Variants in CREB5 observed in about 807,000 individuals in gnomAD.
CREB5 encodes the protein cAMP responsive element binding protein 5, also known as cyclic AMP-responsive element-binding protein 5.
In CREB5, 19 loss-of-function variants were observed where a neutral mutation model predicts 57.1. The ratio of observed to expected loss-of-function variants is 0.33; its 90% CI spans 0.23 to 0.49. CREB5 has a LOEUF of 0.49. CREB5 is among the 20% of genes least tolerant of loss of function. CREB5 has a pLI of 0.99. For missense variants in CREB5, 579 were observed against 671.6 expected (o/e 0.86, Z 1.52); for synonymous variants, 238 against 238.3 (o/e 1.00, Z 0.01).
intron 1 of CREB5, among the ~76,000 whole-genome samples, chr7:28,441,177 T>C (rs886564706): frequency 6.6e-6 from 1 of 152,182 alleles, no homozygotes; most frequent in Non-Finnish European, 1.5e-5. Context: ...CTTTTAAAAA[T>C]AGAAAGCCAT....
chr7:28,488,327 C>A, intron 2 of CREB5, 81 bp downstream of exon 2: 1 of 1,259,234 alleles, frequency 7.9e-7, no homozygotes, highest in Non-Finnish European at 1.1e-6. Flanking sequence ...GCAATCATGC[C>A]TGCCCTGGGC....
chr7:28,325,359 G>A (rs1364139190), intron 1 of CREB5, among the ~76,000 whole-genome samples: 1 of 152,034 alleles, frequency 6.6e-6, no homozygotes, highest in Non-Finnish European at 1.5e-5. Flanking sequence ...GGAGGCTGAG[G>A]CAGGAGAATG....
chr7:28,598,622 A>G (rs1461141475), intron 5 of CREB5, among the ~76,000 whole-genome samples: 1 of 151,832 alleles, frequency 6.6e-6, no homozygotes, highest in African/African-American at 2.4e-5. Context: ...TTGTAATATC[A>G]CTCACCCCAA....
At chr7:28,545,032 A>G (rs766266271) in intron 4 of CREB5, among the ~76,000 whole-genome samples, 1 of 152,152 alleles carries the variant, frequency 6.6e-6, no homozygotes, top group Non-Finnish European at 1.5e-5. Context: ...AGAGGCAGAT[A>G]AGGAATTGGA....
chr7:28,560,959 T>TGTGCGCGCGTGCGTGC (rs1562798119), intron 4 of CREB5, among the ~76,000 whole-genome samples: 3 of 32,160 alleles, frequency 9.3e-5, no homozygotes, highest in African/African-American at 3.0e-4. Context: ...TGCGTGTGTG[T>TGTGCGCGCGTGCGTGC]GCGTGTGTGT....
chr7:28,561,029 T>TGTGTGTGC (rs1562798693), intron 4 of CREB5, among the ~76,000 whole-genome samples: 43 of 65,196 alleles, frequency 6.6e-4, no homozygotes, highest in African/African-American at 3.3e-3. Context: ...TGTGTGCGTG[T>TGTGTGTGC]GTGTGTGTGT....
intron 1 of CREB5, among the ~76,000 whole-genome samples, chr7:28,465,753 C>CTT (rs1353377501): frequency 1.3e-5 from 2 of 152,168 alleles, no homozygotes; most frequent in Non-Finnish European, 2.9e-5. Context: ...TGTTAAAACT[C>CTT]TACAAAGGTT....
chr7:28,451,780 G>A (rs1329928390), intron 1 of CREB5, among the ~76,000 whole-genome samples: 2 of 152,000 alleles, frequency 1.3e-5, no homozygotes, highest in East Asian at 3.9e-4. Flanking sequence ...TCCATCCTGG[G>A]TCCTGGGAAC....
chr7:28,512,143 T>A lies in CREB5; in HGVS notation c.291+4406T>A, dbSNP rs532227565. On this transcript the variant is annotated intron_variant, in intron 4 of 10. Transcript: ENST00000357727. ...GTTTAAGGGGAAAATTGGGGGTTTC[T>A]TTTTAGATTTGCTAAGTGGAGATGC... is the stretch of plus-strand genomic sequence containing the variant. Among the ~76,000 whole-genome samples the A allele has an allele frequency of 9.2e-5, 14 of 152,296 alleles. No individual in the cohort carries two copies. In the South Asian group the frequency reaches 2.7e-3, roughly 29 times the overall value.
At chr7:28,666,671 CTT>C (rs1377661272) in intron 5 of CREB5, among the ~76,000 whole-genome samples, 3 of 152,178 alleles carry the variant, frequency 2.0e-5, no homozygotes, top group Non-Finnish European at 2.9e-5. Context: ...CTTCAACAAA[CTT>C]TGTCAAACTT....
chr7:28,615,808 C>A (rs933096484), intron 5 of CREB5: 1 of 152,256 alleles, frequency 6.6e-6, no homozygotes, highest in Non-Finnish European at 1.5e-5. Flanking sequence ...TGGTCTAGGC[C>A]AGGTTCGTGA....
At chr7:28,697,978 T>C (rs1316703890) in intron 5 of CREB5, among the ~76,000 whole-genome samples, 1 of 152,158 alleles carries the variant, frequency 6.6e-6, no homozygotes, top group Admixed American at 6.5e-5. Flanking sequence ...TTTTCAGACT[T>C]ATAAAAAGAG....
chr7:28,792,611 A>C (rs897769285), intron 7 of CREB5, among the ~76,000 whole-genome samples: 1 of 152,220 alleles, frequency 6.6e-6, no homozygotes, highest in African/African-American at 2.4e-5. Flanking sequence ...ATAGATTATG[A>C]ATGACTCTTC....
chr7:28,364,194 A>G (rs753339959), intron 1 of CREB5, among the ~76,000 whole-genome samples: 15 of 152,324 alleles, frequency 9.8e-5, no homozygotes, highest in African/African-American at 1.7e-4. Flanking sequence ...TTTTGCCGGA[A>G]ATCTTCAGAA....
chr7:28,582,299 T>C (rs1256826743), intron 5 of CREB5, among the ~76,000 whole-genome samples: 3 of 152,324 alleles, frequency 2.0e-5, no homozygotes, highest in East Asian at 1.9e-4. Flanking sequence ...CCAAGGGAAA[T>C]GGCCTTCATC....
chr7:28,766,153 A>G (rs2128772850), intron 7 of CREB5, among the ~76,000 whole-genome samples: 1 of 152,312 alleles, frequency 6.6e-6, no homozygotes, highest in Non-Finnish European at 1.5e-5. Context: ...AGAACTCATT[A>G]CATATAATTC....
intron 1 of CREB5, among the ~76,000 whole-genome samples, chr7:28,321,464 G>C (rs1785494480): frequency 6.6e-6 from 1 of 152,146 alleles, no homozygotes; most frequent in Non-Finnish European, 1.5e-5. Flanking sequence ...AGGGTTCTTT[G>C]TTGGCTATTT....
rs749467653 is a variant in CREB5, at chr7:28,412,885, C to A, written c.-30C>A. 2.4e-5 allele frequency: 36 copies of A among 1,487,330 alleles called. No homozygotes were observed. Among genetic ancestry groups the A allele is most frequent in the South Asian group, 7.5e-5 (5 of 66,840 alleles). 92.1% of individuals were successfully genotyped at this position (1,487,330 alleles called of 1,614,324 possible). On this transcript the variant is annotated 5_prime_UTR_variant, in exon 1 of 11. Coordinates refer to ENST00000357727, the MANE Select transcript of CREB5 (RefSeq NM_182898.4). Reference sequence around the variant, plus strand: ...AACTTGATTTGGTGACTGCAGGAAGCAACACGTTGCTGCTTTTATTCTACA... The same window carrying A: ...AACTTGATTTGGTGACTGCAGGAAGAAACACGTTGCTGCTTTTATTCTACA...
intron 1 of CREB5, among the ~76,000 whole-genome samples, chr7:28,330,371 T>C (rs1785690590): frequency 6.6e-6 from 1 of 151,890 alleles, no homozygotes; most frequent in Non-Finnish European, 1.5e-5. Flanking sequence ...TTAAAAATTC[T>C]GTCTTTTAGC....
Sources: allele counts gnomAD v4.1 joint callset (sites outside exome capture counted in the v4.1 genomes callset), GRCh38; gene constraint gnomAD v4.1.1; transcripts MANE v1.5; gene names NCBI Gene and HGNC (gene_info 2026-07-23, HGNC 2026-07-21).